The following DCDC1 variants were observed in gnomAD, a reference collection of about 807,000 sequenced individuals.
DCDC1 encodes doublecortin domain-containing protein 1.
In DCDC1, 200 loss-of-function variants were observed where a neutral mutation model predicts 178.3. The observed-to-expected ratio is 1.12, with a 90% CI of 1.00 to 1.26. DCDC1 has a LOEUF of 1.26. Ranked by LOEUF, DCDC1 falls within the 50% of genes most tolerant of loss-of-function variation. The pLI, the probability that DCDC1 is intolerant of heterozygous loss-of-function variation, is 0.00. For synonymous variants in DCDC1, 690 were observed against 604.8 expected, an observed-to-expected ratio of 1.14 and a Z score of -2.07; for missense variants, 1,983 against 1,749.2, an observed-to-expected ratio of 1.13 and a Z score of -2.38.
chr11:31,076,568 A>G (rs918396589), intron 18 of DCDC1, among the ~76,000 whole-genome samples: 2 of 152,008 alleles, frequency 1.3e-5, no homozygotes, highest in African/African-American at 4.8e-5. Flanking sequence ...GCTGGCCTCA[A>G]ACTCCTGGGC....
chr11:31,044,477 CAAAAA>C (rs34317259), intron 20 of DCDC1, among the ~76,000 whole-genome samples: 3 of 96,910 alleles, frequency 3.1e-5, no homozygotes, highest in Admixed American at 1.0e-4. Flanking sequence ...TACTCCATCT[CAAAAA>C]AAAAAAAAAA....
chr11:31,102,012 G>T (rs1490096699), intron 15 of DCDC1, among the ~76,000 whole-genome samples, 165 bp downstream of exon 15: 1 of 151,860 alleles, frequency 6.6e-6, no homozygotes, highest in East Asian at 1.9e-4. Context: ...AGGAGGTAGA[G>T]GCTGCAGTGA....
At chr11:31,257,959 A>G (rs1214053443) in intron 8 of DCDC1, among the ~76,000 whole-genome samples, 1 of 152,204 alleles carries the variant, frequency 6.6e-6, no homozygotes, top group Non-Finnish European at 1.5e-5. Context: ...CAATGCTTAG[A>G]AGAGTTGGTA....
intron 13 of DCDC1, among the ~76,000 whole-genome samples, chr11:31,104,961 C>T (rs1958755717): frequency 6.6e-6 from 1 of 151,880 alleles, no homozygotes; most frequent in South Asian, 2.1e-4. Context: ...AAGCGGACAT[C>T]GGCAAAAATC....
intron 20 of DCDC1, among the ~76,000 whole-genome samples, chr11:31,063,131 C>T (rs1316996533): frequency 1.3e-5 from 2 of 151,912 alleles, no homozygotes; most frequent in East Asian, 3.9e-4. Flanking sequence ...CAGAGAAATG[C>T]AAATCAAAAC....
chr11:31,082,160 A>G (rs2135585690), intron 17 of DCDC1, among the ~76,000 whole-genome samples: 1 of 152,352 alleles, frequency 6.6e-6, no homozygotes, highest in South Asian at 2.1e-4. Flanking sequence ...GCTATATTCC[A>G]TCCAAGAATC....
In DCDC1 at chr11:30,911,405, C is replaced by T. The variant is rs1945439579; in HGVS notation, c.3669G>A (p.Val1223=). 1 of 1,599,824 alleles carries T rather than the reference C, an allele frequency of 6.3e-7. No individual in the cohort carries two copies. The highest frequency in any genetic ancestry group is 1.3e-5 in the African/African-American group (1 of 74,858). Residue 1223 remains valine, a synonymous_variant, in exon 28 of 39, where the codon GTG becomes GTA. Coordinates refer to ENST00000684477, the MANE Select transcript of DCDC1 (RefSeq NM_001387274.1). ...HQEDSRTFHL[V]SNPDLVLAVS... ...CTGCCAGCACAAGGTCAGGGTTACT[C>T]ACAAGGTGAAAGGTCCTTGGGAAAA...
intron 7 of DCDC1, among the ~76,000 whole-genome samples, chr11:31,279,350 T>C (rs1017176407): frequency 6.6e-6 from 1 of 152,156 alleles, no homozygotes; most frequent in East Asian, 1.9e-4. Flanking sequence ...TTTATGTTTC[T>C]GAATGGCTGT....
chr11:31,136,963 T>C (rs1963208386), intron 10 of DCDC1, among the ~76,000 whole-genome samples: 1 of 152,182 alleles, frequency 6.6e-6, no homozygotes, highest in Non-Finnish European at 1.5e-5. Context: ...TGATAAAAAA[T>C]AACTTTGTTA....
intron 20 of DCDC1, among the ~76,000 whole-genome samples, chr11:31,014,672 A>G (rs1403148598): frequency 1.3e-5 from 2 of 152,180 alleles, no homozygotes; most frequent in Non-Finnish European, 2.9e-5. Flanking sequence ...GATGCCAGCC[A>G]TTTTTATTCC....
At chr11:31,211,194 T>C (rs1972490956) in intron 9 of DCDC1, among the ~76,000 whole-genome samples, 1 of 152,202 alleles carries the variant, frequency 6.6e-6, no homozygotes, top group Admixed American at 6.5e-5. Context: ...AGAGCTAGAC[T>C]GTATTTCTCA....
intron 32 of DCDC1, 104 bp downstream of exon 32, chr11:30,903,378 G>A: frequency 8.5e-7 from 1 of 1,177,670 alleles, no homozygotes; most frequent in Non-Finnish European, 1.1e-6. Flanking sequence ...AGCTTCCTAT[G>A]ATTTTGAAAT....
rs1961863812 is a variant in DCDC1, at chr11:31,127,802, C to T, written c.1315-163G>A. ...AAAACAATGAAAGAGATATACATTC[C>T]TACATCTACTTTTATTTATGAAAAA... On this transcript the variant is annotated intron_variant, in intron 10 of 38. Transcript: ENST00000684477. 7.9e-6 allele frequency: 4 copies of T among 506,726 alleles called. No homozygotes were observed. The East Asian group carries it at 1.3e-4, about 16-fold the overall frequency. The allele number at this position is 506,726 out of a possible 1,614,324, so 31.4% of individuals were successfully genotyped here. A position where few individuals can be genotyped will look rare whatever the true frequency, so the allele number is the denominator to read the frequency against.
At chr11:30,968,795 G>C (rs764645346) in intron 20 of DCDC1, among the ~76,000 whole-genome samples, 2 of 140,800 alleles carry the variant, frequency 1.4e-5, no homozygotes, top group Non-Finnish European at 3.0e-5. Context: ...GTATAGGGAG[G>C]GATTCTGCAC....
intron 7 of DCDC1, among the ~76,000 whole-genome samples, chr11:31,268,221 A>T (rs1169654494): frequency 1.3e-5 from 2 of 152,212 alleles, no homozygotes; most frequent in Non-Finnish European, 2.9e-5. Context: ...TCAAATATCT[A>T]AGTATCCTCT....
chr11:30,941,990 CTT>C (rs1283647617), intron 21 of DCDC1, among the ~76,000 whole-genome samples: 1 of 152,102 alleles, frequency 6.6e-6, no homozygotes, highest in Non-Finnish European at 1.5e-5. Flanking sequence ...ATAAGGGTGA[CTT>C]AACACAATTC....
At chr11:30,865,511 C>A (rs1940903645) in intron 38 of DCDC1, among the ~76,000 whole-genome samples, 179 bp from the exon 39 acceptor site, 1 of 151,880 alleles carries the variant, frequency 6.6e-6, no homozygotes, top group South Asian at 2.1e-4. Flanking sequence ...ATAGAGGCAT[C>A]CCCTTCAAGG....
intron 1 of DCDC1, among the ~76,000 whole-genome samples, chr11:31,362,032 T>A (rs1951734016): frequency 6.6e-6 from 1 of 152,182 alleles, no homozygotes; most frequent in Non-Finnish European, 1.5e-5. Flanking sequence ...ACCTCTTCTT[T>A]TGCAGGATTA....
chr11:31,139,989 T>C (rs562613053), intron 9 of DCDC1, among the ~76,000 whole-genome samples: 1 of 152,264 alleles, frequency 6.6e-6, no homozygotes, highest in East Asian at 1.9e-4. Context: ...TTTAATGAAA[T>C]CATTTAGAGG....
Sources: allele counts gnomAD v4.1 joint callset (sites outside exome capture counted in the v4.1 genomes callset), GRCh38; gene constraint gnomAD v4.1.1; transcripts MANE v1.5; gene names NCBI Gene and HGNC (gene_info 2026-07-23, HGNC 2026-07-21).